Variants in BCL10 observed in about 807,000 individuals in gnomAD.
BCL10 encodes B-cell lymphoma/leukemia 10.
BCL10 carries 5 observed loss-of-function variants against 19.2 expected under a neutral mutation model. That is an observed-to-expected ratio of 0.26 (90% confidence interval 0.14 to 0.55). The LOEUF (loss-of-function observed/expected upper bound fraction) is 0.55, where lower values mean the gene tolerates loss of function less well. BCL10 is among the 20% of genes least tolerant of loss of function. BCL10 has a pLI of 0.94. For missense variants in BCL10, 201 were observed against 271.9 expected (o/e 0.74, Z 1.83); for synonymous variants, 110 against 98.8 (o/e 1.11, Z -0.67).
At position 85,266,784 on chromosome 1, in the gene BCL10, T is replaced by C. The variant is rs1229159670; in HGVS notation, c.*843A>G. On this transcript the variant is annotated 3_prime_UTR_variant, in exon 3 of 3. Transcript: ENST00000648566. ...AGCTATATTACTTGAGAGGCTGAGG[T>C]GAGAGGATCACGTAAGCATGGGAGG... is the stretch of plus-strand genomic sequence containing the variant. The C allele has an allele frequency of 3.5e-5, 6 of 171,630 alleles. No individual in the cohort carries two copies. The Admixed American group carries it at 4.5e-4, about 13-fold the overall frequency. The allele number at this position is 171,630 out of a possible 1,614,324, so 10.6% of individuals were successfully genotyped here. A position where few individuals can be genotyped will look rare whatever the true frequency, so the allele number is the denominator to read the frequency against.
At chr1:85,275,182 A>G (rs1408313468) in intron 1 of BCL10, among the ~76,000 whole-genome samples, 1 of 152,244 alleles carries the variant, frequency 6.6e-6, no homozygotes, top group Non-Finnish European at 1.5e-5. Context: ...GACAACATTT[A>G]TTCTACAGTA....
chr1:85,271,875 A>G (rs2100749227), intron 1 of BCL10, among the ~76,000 whole-genome samples: 1 of 152,336 alleles, frequency 6.6e-6, no homozygotes, highest in African/African-American at 2.4e-5. Context: ...TTCCACATTT[A>G]CTTGTTTATT....
At chr1:85,270,011 GTTCT>G (rs968135980) in intron 2 of BCL10, among the ~76,000 whole-genome samples, 1 of 152,140 alleles carries the variant, frequency 6.6e-6, no homozygotes, top group African/African-American at 2.4e-5. Flanking sequence ...CCTAAATACT[GTTCT>G]TTATGTGTGA....
Position 85,267,631 on chromosome 1 carries a change from T to C in BCL10, c.698A>G (p.Gln233Arg). ...LPLRSRTVSR[Q>R] ...AAATTAAAAGGCAATAAAGTGTCATTGTCGTGAAACAGTACGTGATCTTAA... is the reference window on the plus strand; with the variant it reads ...AAATTAAAAGGCAATAAAGTGTCATCGTCGTGAAACAGTACGTGATCTTAA... Residue 233 changes from glutamine to arginine, a missense_variant, in exon 3 of 3, where the codon CAA (glutamine) becomes CGA (arginine). Around this residue, in one of 3 missense-constraint regions of BCL10, gnomAD observed 126 missense variants for 136.6 expected, o/e 0.92. Coordinates refer to ENST00000648566, the MANE Select transcript of BCL10 (RefSeq NM_003921.5). 6.4e-7 allele frequency: 1 copy of C among 1,568,472 alleles called. No homozygotes were observed. The highest frequency in any genetic ancestry group is 8.6e-7 in the Non-Finnish European group (1 of 1,160,340).
intron 1 of BCL10, among the ~76,000 whole-genome samples, chr1:85,275,392 C>T (rs557510275): frequency 2.6e-5 from 4 of 152,222 alleles, no homozygotes; most frequent in African/African-American, 9.6e-5. Flanking sequence ...ATTGTGAGTA[C>T]AGTGTAATAA....
intron 1 of BCL10, among the ~76,000 whole-genome samples, chr1:85,273,852 T>C (rs1366456426): frequency 6.6e-6 from 1 of 152,192 alleles, no homozygotes; most frequent in African/African-American, 2.4e-5. Context: ...CTTTAAACTA[T>C]ACAATTCTTC....
chr1:85,276,233 C>T, intron 1 of BCL10, 63 bp downstream of exon 1: 2 of 1,585,314 alleles, frequency 1.3e-6, no homozygotes, highest in Non-Finnish European at 1.7e-6. Flanking sequence ...CAGGCTTCCG[C>T]TTTCGTCTCC....
chr1:85,270,638 A>G lies in BCL10; in HGVS notation c.326T>C (p.Ile109Thr), dbSNP rs764598279. 1.9e-6 allele frequency: 3 copies of G among 1,602,408 alleles called. No homozygotes were observed. The highest frequency in any genetic ancestry group is 4.5e-5 in the East Asian group (2 of 44,828). Residue 109 changes from isoleucine to threonine, a missense_variant, in exon 2 of 3, where the codon ATA becomes ACA. Ile to Thr is a moderately conservative substitution (Grantham distance 89). This residue lies in a region of BCL10 where 51 missense variants were observed against 118.8 expected (regional missense o/e 0.43). Coordinates refer to ENST00000648566, the MANE Select transcript of BCL10 (RefSeq NM_003921.5). Reference protein sequence around the residue: ...ITDEVLKLRNIKLEHLKGLKC... With the variant: ...ITDEVLKLRNTKLEHLKGLKC... The stretch of plus-strand genomic sequence containing the variant: ...CTTACCTTTCAGATGTTCTAGTTTT[A>G]TATTTCTAAGTTTCAGCACTTCATC...
rs144541104 is a variant in BCL10, at chr1:85,274,068, T to C, written c.57+2228A>G. Among the ~76,000 whole-genome samples, 1,252 of 152,318 alleles carry C rather than the reference T, an allele frequency of 8.2e-3. 4 individuals carry two copies. The highest frequency in any genetic ancestry group is 0.013 in the Non-Finnish European group (901 of 68,022). On this transcript the variant is annotated intron_variant, in intron 1 of 2. Transcript: ENST00000648566. Reference sequence around the variant, plus strand: ...CCAGAATGCTCTTCCCTCAGTTCTGTCAAATCTTTCAGGAATCAGTTTAAA... The same window carrying C: ...CCAGAATGCTCTTCCCTCAGTTCTGCCAAATCTTTCAGGAATCAGTTTAAA...
In BCL10 at chr1:85,270,693, T is replaced by A; in HGVS notation, c.271A>T (p.Thr91Ser). The A allele has an allele frequency of 6.2e-7, 1 of 1,613,750 alleles. No individual in the cohort carries two copies. The highest frequency in any genetic ancestry group is 8.5e-7 in the Non-Finnish European group (1 of 1,179,904). Residue 91 changes from threonine to serine, a missense_variant, in exon 2 of 3, where the codon ACA becomes TCA. Transcript: ENST00000648566. ...TLVESIRREKTQNFLIQKITD... is the reference protein window; with the variant it reads ...TLVESIRREKSQNFLIQKITD... Reference sequence around the variant, plus strand: ...ATCTTCTGTATCAGGAAGTTCTGTGTTTTTTCTCGCCGAATAGATTCAACA... The same window carrying A: ...ATCTTCTGTATCAGGAAGTTCTGTGATTTTTCTCGCCGAATAGATTCAACA...
chr1:85,276,347 C>G lies in BCL10; in HGVS notation c.6G>C (p.Glu2Asp), dbSNP rs200626032. 2 of 1,613,482 alleles carry G rather than the reference C, an allele frequency of 1.2e-6. No individual in the cohort carries two copies. Among genetic ancestry groups the G allele is most frequent in the East Asian group, 4.5e-5 (2 of 44,828 alleles). M[E>D]PTAPSLTEED... The stretch of plus-strand genomic sequence containing the variant: ...CCTCGGTGAGGGACGGTGCGGTGGG[C>G]TCCATGGTGGAGGCGGGAGATGGCG... Residue 2 changes from glutamate (E) to aspartate (D), a missense_variant, in exon 1 of 3, where the codon GAG (glutamate) becomes GAC (aspartate). Physicochemically the swap from Glu to Asp is conservative, Grantham distance 45. This residue lies in a region of BCL10 where 24 missense variants were observed against 16.6 expected (regional missense o/e 1.45). Coordinates refer to ENST00000648566, the MANE Select transcript of BCL10 (RefSeq NM_003921.5).
chr1:85,271,568 C>T (rs931430228), intron 1 of BCL10, among the ~76,000 whole-genome samples: 5 of 151,956 alleles, frequency 3.3e-5, no homozygotes, highest in African/African-American at 1.2e-4. Flanking sequence ...TTGAGAAGTG[C>T]CTAAGAGCTT....
At chr1:85,275,069 G>A (rs1465074790) in intron 1 of BCL10, among the ~76,000 whole-genome samples, 1 of 152,166 alleles carries the variant, frequency 6.6e-6, no homozygotes, top group African/African-American at 2.4e-5. Context: ...AGGTTGTTGC[G>A]AAGGTTAAGT....
At chr1:85,268,611 T>C (rs1410871960) in intron 2 of BCL10, among the ~76,000 whole-genome samples, 3 of 151,774 alleles carry the variant, frequency 2.0e-5, no homozygotes, top group African/African-American at 7.3e-5. Context: ...CTACTAAAAA[T>C]ACAGAAATTA....
intron 1 of BCL10, among the ~76,000 whole-genome samples, chr1:85,272,902 A>C (rs2735595): frequency 0.073 from 11,050 of 152,272 alleles, 485 homozygotes; most frequent in East Asian, 0.15. Context: ...TTCATTGATA[A>C]TATGGCTCCT....
rs550123761 is a variant in BCL10 at position 85,268,340 on chromosome 1, G to A, written c.347-358C>T. 1.2e-3 allele frequency among the ~76,000 whole-genome samples: 178 copies of A among 152,198 alleles called. 1 individual carries two copies. Among genetic ancestry groups the A allele is most frequent in the South Asian group, 5.2e-3 (25 of 4,830 alleles). ...TAGTATTCTGGTACAAAAAATATTA[G>A]CTAATAAAAAAATGTAAACGGCAGA... On this transcript the variant is annotated intron_variant, in intron 2 of 2. Coordinates refer to ENST00000648566, the MANE Select transcript of BCL10 (RefSeq NM_003921.5).
At position 85,270,841 on chromosome 1, in the gene BCL10, T is replaced by C. The variant is rs767842296; in HGVS notation, c.123A>G (p.Leu41=). ...KIIAERHFDH[L]RAKKILSRED... is the part of the protein sequence containing the mutation. ...CTCTACTGAGTATTTTTTTTGCACG[T>C]AGATGATCAAAATGTCTCTCAGCTA... is the stretch of plus-strand genomic sequence containing the variant. The change falls in exon 2 of 3, where the codon CTA becomes CTG. Residue 41 remains leucine, a synonymous_variant. Transcript: ENST00000648566. The C allele has an allele frequency of 1.9e-6, 3 of 1,613,562 alleles. No homozygotes were observed. The highest frequency in any genetic ancestry group is 1.7e-6 in the Non-Finnish European group (2 of 1,179,992).
In BCL10 at chr1:85,270,850, A is replaced by C; in HGVS notation, c.114T>G (p.Phe38Leu). The change falls in exon 2 of 3, where the codon TTT (phenylalanine) becomes TTG (leucine). Residue 38 changes from phenylalanine (F) to leucine (L), a missense_variant. By Grantham distance (22) the Phe-to-Leu change is conservative. This residue lies in a region of BCL10 where 51 missense variants were observed against 118.8 expected (regional missense o/e 0.43). Transcript: ENST00000648566. ...LCEKIIAERH[F>L]DHLRAKKILS... ...GTATTTTTTTTGCACGTAGATGATC[A>C]AAATGTCTCTCAGCTATGATTTTCT... The C allele has an allele frequency of 1.9e-6, 3 of 1,613,448 alleles. No homozygotes were observed. Among genetic ancestry groups the C allele is most frequent in the Non-Finnish European group, 2.5e-6 (3 of 1,179,988 alleles).
chr1:85,273,782 C>A (rs1482982313), intron 1 of BCL10, among the ~76,000 whole-genome samples: 1 of 152,238 alleles, frequency 6.6e-6, no homozygotes, highest in Non-Finnish European at 1.5e-5. Context: ...CAAGAGCCTG[C>A]TCACTGGCTT....
Sources: allele counts gnomAD v4.1 joint callset (sites outside exome capture counted in the v4.1 genomes callset), GRCh38; gene constraint gnomAD v4.1.1; regional missense constraint gnomAD v4.1.1; transcripts MANE v1.5; gene names NCBI Gene and HGNC (gene_info 2026-07-23, HGNC 2026-07-21).